The following CTNNA1 variants were observed in gnomAD, a reference collection of about 807,000 sequenced individuals.
The protein encoded by CTNNA1 is catenin alpha-1.
Under a neutral mutation model 98.4 loss-of-function variants are expected in CTNNA1, and 37 were observed. The ratio of observed to expected loss-of-function variants is 0.38; its 90% CI spans 0.29 to 0.49. The LOEUF is 0.49. Among genes scored for constraint, CTNNA1 ranks in the 20% least tolerant of loss-of-function variants. The pLI is 0.95. For synonymous variants in CTNNA1, 404 were observed against 413.2 expected (o/e 0.98, Z 0.27); for missense variants, 761 against 1,147.2 (o/e 0.66, Z 4.86).
At chr5:138,793,290 A>G (rs1396402271) in intron 3 of CTNNA1, among the ~76,000 whole-genome samples, 1 of 152,116 alleles carries the variant, frequency 6.6e-6, no homozygotes, top group Non-Finnish European at 1.5e-5. Context: ...CAGAGGCTAT[A>G]TTTTCTTTGA....
At chr5:138,781,780 T>C in intron 1 of CTNNA1, 143 bp from the exon 2 acceptor site, 1 of 645,178 alleles carries the variant, frequency 1.5e-6, no homozygotes, top group Non-Finnish European at 2.5e-6. Flanking sequence ...TACTGGGTCT[T>C]CATGTGTAGG....
chr5:138,860,432 C>G (rs1764153391), intron 7 of CTNNA1, among the ~76,000 whole-genome samples: 1 of 152,166 alleles, frequency 6.6e-6, no homozygotes, highest in Admixed American at 6.5e-5. Flanking sequence ...TCCTGACCAC[C>G]TGCTGTTAGA....
chr5:138,917,554 A>G (rs1191938790), intron 10 of CTNNA1, among the ~76,000 whole-genome samples, 188 bp from the exon 11 acceptor site: 4 of 152,184 alleles, frequency 2.6e-5, no homozygotes, highest in South Asian at 4.1e-4. Context: ...ATCATTGTCT[A>G]TAGTTTGCAA....
At chr5:138,927,598 TA>T (rs1296103717) in intron 13 of CTNNA1, among the ~76,000 whole-genome samples, 2 of 152,342 alleles carry the variant, frequency 1.3e-5, no homozygotes, top group African/African-American at 4.8e-5. Flanking sequence ...ATGTGTCATA[TA>T]ATTCATTTGC....
intron 6 of CTNNA1, among the ~76,000 whole-genome samples, chr5:138,826,699 T>A (rs939862827): frequency 1.3e-5 from 2 of 152,206 alleles, no homozygotes; most frequent in Non-Finnish European, 2.9e-5. Context: ...TTAGAAAACT[T>A]GATTAGATGT....
intron 7 of CTNNA1, chr5:138,880,302 T>A (rs1247961106): frequency 6.6e-6 from 1 of 152,280 alleles, no homozygotes; most frequent in Non-Finnish European, 1.5e-5. Flanking sequence ...CGTACCACCA[T>A]GCCTGGCTAA....
chr5:138,868,427 C>T (rs1417712908), intron 7 of CTNNA1, among the ~76,000 whole-genome samples: 2 of 152,162 alleles, frequency 1.3e-5, no homozygotes, highest in East Asian at 1.9e-4. Flanking sequence ...TGTGTAAGCA[C>T]CTGTGGGACC....
intron 1 of CTNNA1, among the ~76,000 whole-genome samples, chr5:138,765,475 C>T (rs1476296078): frequency 6.6e-6 from 1 of 152,160 alleles, no homozygotes; most frequent in Non-Finnish European, 1.5e-5. Context: ...AGCCACTGTG[C>T]CTGGCCATTT....
chr5:138,908,176 A>G (rs1280068262), intron 10 of CTNNA1, among the ~76,000 whole-genome samples: 2 of 151,898 alleles, frequency 1.3e-5, no homozygotes, highest in African/African-American at 4.8e-5. Flanking sequence ...ATGGGGTTTC[A>G]CCTTGTTGGT....
At chr5:138,903,260 A>G (rs1370953934) in intron 9 of CTNNA1, among the ~76,000 whole-genome samples, 1 of 152,200 alleles carries the variant, frequency 6.6e-6, no homozygotes, top group Non-Finnish European at 1.5e-5. Flanking sequence ...ACTACAAACA[A>G]CTGCCGTAAT....
At chr5:138,767,194 C>A (rs552534786) in intron 1 of CTNNA1, among the ~76,000 whole-genome samples, 1 of 152,172 alleles carries the variant, frequency 6.6e-6, no homozygotes, top group South Asian at 2.1e-4. Flanking sequence ...CGCCATCACG[C>A]CTGGCTAATT....
intron 9 of CTNNA1, among the ~76,000 whole-genome samples, chr5:138,901,975 A>C (rs1349873744): frequency 6.6e-6 from 1 of 152,206 alleles, no homozygotes; most frequent in Non-Finnish European, 1.5e-5. Flanking sequence ...CATCTGGAGA[A>C]GACTGTTAGT....
chr5:138,797,238 T>A lies in CTNNA1; in HGVS notation c.302-12800T>A, dbSNP rs7734445. On this transcript the variant is annotated intron_variant, in intron 3 of 17. Coordinates refer to ENST00000302763, the MANE Select transcript of CTNNA1 (RefSeq NM_001903.5). ...ATTTTTATCATTTAAAAACTTTTTT[T>A]ATATAAAAGTATATTCACTATAGAA... Among the ~76,000 whole-genome samples, 450 of 152,308 alleles carry A rather than the reference T, an allele frequency of 3.0e-3. 4 individuals carry two copies. Among genetic ancestry groups the A allele is most frequent in the African/African-American group, 0.01 (436 of 41,574 alleles).
intron 7 of CTNNA1, among the ~76,000 whole-genome samples, chr5:138,857,137 C>T (rs1280758826): frequency 6.6e-6 from 1 of 152,136 alleles, no homozygotes; most frequent in Non-Finnish European, 1.5e-5. Context: ...TCTCCCTTAA[C>T]AGCCTTTTTC....
intron 1 of CTNNA1, among the ~76,000 whole-genome samples, chr5:138,773,914 C>T (rs1403723324): frequency 6.6e-6 from 1 of 152,084 alleles, no homozygotes; most frequent in Admixed American, 6.6e-5. Context: ...GACAAAGTCT[C>T]ACTCTGTCGC....
chr5:138,897,877 C>G (rs1382895544), intron 9 of CTNNA1, among the ~76,000 whole-genome samples: 1 of 152,194 alleles, frequency 6.6e-6, no homozygotes, highest in Admixed American at 6.5e-5. Flanking sequence ...CAAGGGGCAT[C>G]AGGATTCTTC....
intron 7 of CTNNA1, chr5:138,875,181 G>A: frequency 2.8e-6 from 1 of 363,028 alleles, no homozygotes; most frequent in Admixed American, 4.6e-5. Flanking sequence ...TAACTGCTCA[G>A]CTGGTTAATC....
At chr5:138,809,603 T>C (rs1758462138) in intron 3 of CTNNA1, among the ~76,000 whole-genome samples, 1 of 152,204 alleles carries the variant, frequency 6.6e-6, no homozygotes, top group Non-Finnish European at 1.5e-5. Flanking sequence ...GTAGTTGGGA[T>C]GATTAATGAA....
At chr5:138,849,308 G>A (rs1037954111) in intron 7 of CTNNA1, among the ~76,000 whole-genome samples, 1 of 151,734 alleles carries the variant, frequency 6.6e-6, no homozygotes, top group Admixed American at 6.6e-5. Context: ...ATTATGAATA[G>A]GGTTTTGTTG....
Sources: allele counts gnomAD v4.1 joint callset (sites outside exome capture counted in the v4.1 genomes callset), GRCh38; gene constraint gnomAD v4.1.1; transcripts MANE v1.5; gene names NCBI Gene and HGNC (gene_info 2026-07-23, HGNC 2026-07-21).